DCC: variants seen among roughly 807,000 people sequenced by gnomAD.
DCC encodes netrin receptor DCC.
DCC carries 58 observed loss-of-function variants against 172.5 expected under a neutral mutation model. The observed-to-expected ratio is 0.34, with a 90% CI of 0.27 to 0.42. The LOEUF is 0.42. Among genes scored for constraint, DCC ranks in the 10% least tolerant of loss-of-function variants. The probability of loss-of-function intolerance (pLI) is 1.00; values close to 1 mark genes in which losing one functional copy is unlikely to be tolerated. For missense variants in DCC, 1,740 were observed against 1,791.0 expected (o/e 0.97, Z 0.51); for synonymous variants, 709 against 644.5 (o/e 1.10, Z -1.52).
At chr18:52,870,499 G>T (rs1164589183) in intron 2 of DCC, among the ~76,000 whole-genome samples, 1 of 152,192 alleles carries the variant, frequency 6.6e-6, no homozygotes, top group Non-Finnish European at 1.5e-5. Context: ...AGAAGGGTGA[G>T]AACGGCTTTA....
Position 52,382,502 on chromosome 18 carries a change from G to GT in DCC, c.91+41628dup, listed in dbSNP as rs1262418034. ...CATTTTGGTAAAACTTATAGGACAG[G>GT]TTTTACTGAGATAAGACTGGAGTCA... On this transcript the variant is annotated intron_variant, in intron 1 of 28. Transcript: ENST00000442544. Among the ~76,000 whole-genome samples, 3 of 152,160 alleles carry GT rather than the reference G, an allele frequency of 2.0e-5. No individual in the cohort carries two copies. The East Asian group carries it at 5.8e-4, about 29-fold the overall frequency.
intron 2 of DCC, among the ~76,000 whole-genome samples, chr18:52,848,789 T>C (rs541900393): frequency 1.3e-5 from 2 of 152,346 alleles, no homozygotes; most frequent in South Asian, 4.1e-4. Flanking sequence ...TTTCCATTTA[T>C]GTTAAGTGAT....
At chr18:52,779,568 G>T (rs1299672309) in intron 2 of DCC, among the ~76,000 whole-genome samples, 1 of 152,094 alleles carries the variant, frequency 6.6e-6, no homozygotes, top group Admixed American at 6.5e-5. Context: ...TAACATTTGG[G>T]TTAGTTCCAA....
intron 5 of DCC, among the ~76,000 whole-genome samples, chr18:53,054,489 G>A (rs151214836): frequency 6.6e-6 from 1 of 152,070 alleles, no homozygotes; most frequent in East Asian, 1.9e-4. Flanking sequence ...TAGCAATAAT[G>A]TCAGTAAGTA....
intron 5 of DCC, among the ~76,000 whole-genome samples, chr18:52,939,960 G>A (rs2145520685): frequency 6.6e-6 from 1 of 151,782 alleles, no homozygotes; most frequent in South Asian, 2.1e-4. Flanking sequence ...ATTTCTCAAT[G>A]TGTGGTCTTC....
intron 5 of DCC, among the ~76,000 whole-genome samples, chr18:53,029,853 C>A (rs917354633): frequency 6.6e-6 from 1 of 152,062 alleles, no homozygotes; most frequent in African/African-American, 2.4e-5. Flanking sequence ...TCTAAGCTTG[C>A]CTGGTCTCTT....
At chr18:52,926,955 C>G (rs1401864892) in intron 5 of DCC, among the ~76,000 whole-genome samples, 8 of 138,032 alleles carry the variant, frequency 5.8e-5, no homozygotes, top group Non-Finnish European at 7.9e-5. Context: ...GATATATACA[C>G]TATATATGGA....
chr18:52,835,875 A>C (rs1219047629), intron 2 of DCC, among the ~76,000 whole-genome samples: 1 of 152,232 alleles, frequency 6.6e-6, no homozygotes, highest in Non-Finnish European at 1.5e-5. Flanking sequence ...AGATGGCACC[A>C]TGAGAAAAAA....
chr18:52,378,140 G>C (rs1365607254), intron 1 of DCC, among the ~76,000 whole-genome samples: 1 of 151,992 alleles, frequency 6.6e-6, no homozygotes, highest in African/African-American at 2.4e-5. Flanking sequence ...GATTAACTAG[G>C]GACTCCAGGT....
chr18:53,111,168 A>G (rs566857969), intron 7 of DCC, among the ~76,000 whole-genome samples: 89 of 149,336 alleles, frequency 6.0e-4, no homozygotes, highest in Middle Eastern at 6.8e-3. Flanking sequence ...CAAACATCGC[A>G]TGTTCTCGCT....
intron 27 of DCC, among the ~76,000 whole-genome samples, chr18:53,511,501 G>C (rs189131795): frequency 1.3e-5 from 2 of 152,356 alleles, no homozygotes; most frequent in South Asian, 2.1e-4. Context: ...AGCTCCCAGC[G>C]TGAGAGACGC....
chr18:52,797,167 G>T (rs556096950), intron 2 of DCC, among the ~76,000 whole-genome samples: 1 of 151,862 alleles, frequency 6.6e-6, no homozygotes, highest in Non-Finnish European at 1.5e-5. Context: ...AGCATAAATT[G>T]TTTCTCTGAT....
intron 2 of DCC, among the ~76,000 whole-genome samples, chr18:52,812,729 T>G (rs1021541326): frequency 1.1e-4 from 17 of 152,248 alleles, no homozygotes; most frequent in Non-Finnish European, 2.9e-5. Context: ...ATGCAGGTAA[T>G]GGGGGTCTGG....
intron 12 of DCC, among the ~76,000 whole-genome samples, chr18:53,228,261 T>A (rs8092490): frequency 0.51 from 76,735 of 151,376 alleles, 20,611 homozygotes; most frequent in African/African-American, 0.61. Context: ...AGTAAAAAAA[T>A]AAAAATAAAA....
At position 53,066,056 on chromosome 18, in the gene DCC, A is replaced by G. The variant is rs1484045023; in HGVS notation, c.1151A>G (p.Asn384Ser). The G allele has an allele frequency of 1.9e-6, 3 of 1,613,078 alleles. No individual in the cohort carries two copies. The highest frequency in any genetic ancestry group is 2.5e-6 in the Non-Finnish European group (3 of 1,179,478). Residue 384 changes from asparagine (N) to serine (S), a missense_variant, in exon 7 of 29, where the codon AAC (asparagine) becomes AGC (serine). Asn to Ser is a conservative substitution (Grantham distance 46). Transcript: ENST00000442544. ...SDYFQIVGGS[N>S]LRILGVVKSD... ...TTTTCTTTTCCCTAGGGAGGAAGCA[A>G]CTTACGGATACTTGGGGTGGTGAAG...
intron 5 of DCC, among the ~76,000 whole-genome samples, chr18:52,992,258 T>C (rs1442080663): frequency 1.3e-5 from 2 of 152,086 alleles, no homozygotes; most frequent in East Asian, 3.9e-4. Context: ...GCACAGGAGC[T>C]CCCCCAAGTG....
chr18:53,435,206 A>T lies in DCC; in HGVS notation c.3226A>T (p.Asn1076Tyr). 3.2e-6 allele frequency: 5 copies of T among 1,576,502 alleles called. No individual in the cohort carries two copies. The highest frequency in any genetic ancestry group is 1.3e-5 in the African/African-American group (1 of 74,230). ...DTNLIDRSTL[N>Y]EPPIGQMHPP... The stretch of plus-strand genomic sequence containing the variant: ...TAATTTGATTGATAGAAGCACCCTA[A>T]ATGGTAAGTATATAAATTAGGTAAT... Residue 1076 changes from asparagine (N) to tyrosine (Y), a missense_variant, in exon 22 of 29, where the codon AAT (asparagine) becomes TAT (tyrosine). Physicochemically the swap from Asn to Tyr is moderately radical, Grantham distance 143. Coordinates refer to ENST00000442544, the MANE Select transcript of DCC (RefSeq NM_005215.4).
chr18:52,560,904 A>T (rs966173205), intron 1 of DCC, among the ~76,000 whole-genome samples: 12 of 152,160 alleles, frequency 7.9e-5, no homozygotes, highest in African/African-American at 2.9e-4. Flanking sequence ...TAACAGAATG[A>T]TTCAGATATT....
chr18:53,227,766 T>G (rs1412226980), intron 12 of DCC, among the ~76,000 whole-genome samples: 1 of 152,202 alleles, frequency 6.6e-6, no homozygotes, highest in African/African-American at 2.4e-5. Flanking sequence ...AATTTCACTT[T>G]CTTTTTTTTG....
Sources: gnomAD v4.1 joint callset for allele counts (sites outside exome capture counted in the v4.1 genomes callset) on GRCh38, gnomAD v4.1.1 for gene constraint, MANE v1.5 for transcripts, NCBI Gene and HGNC (gene_info 2026-07-23, HGNC 2026-07-21) for gene names.